Variants in CSMD3 observed in about 807,000 individuals in gnomAD.
The protein encoded by CSMD3 is CUB and sushi domain-containing protein 3.
Under a neutral mutation model 435.2 loss-of-function variants are expected in CSMD3, and 177 were observed. The observed-to-expected ratio is 0.41, with a 90% confidence interval of 0.36 to 0.46. CSMD3 has a LOEUF of 0.46. Ranked by LOEUF, CSMD3 falls within the 20% of genes least tolerant of loss-of-function variation. CSMD3 has a pLI of 0.34. For synonymous variants in CSMD3, 1,656 were observed against 1,520.5 expected, an observed-to-expected ratio of 1.09 and a Z score of -2.07; for missense variants, 4,265 against 4,504.6, an observed-to-expected ratio of 0.95 and a Z score of 1.52.
intron 10 of CSMD3, among the ~76,000 whole-genome samples, chr8:112,894,193 G>A (rs1293146607): frequency 1.3e-5 from 2 of 151,400 alleles, no homozygotes; most frequent in East Asian, 3.9e-4. Flanking sequence ...TGTAAAAAAT[G>A]CTTTTCAGGA....
At chr8:113,386,357 C>T (rs930260455) in intron 1 of CSMD3, among the ~76,000 whole-genome samples, 10 of 151,828 alleles carry the variant, frequency 6.6e-5, no homozygotes, top group Non-Finnish European at 1.0e-4. Context: ...ACTCACTTTC[C>T]TTTTCTCTAA....
chr8:112,626,917 C>T (rs1430040819), intron 22 of CSMD3, among the ~76,000 whole-genome samples: 1 of 151,970 alleles, frequency 6.6e-6, no homozygotes, highest in Non-Finnish European at 1.5e-5. Flanking sequence ...ATAAAAATAC[C>T]GTTAATATAT....
At chr8:112,782,972 T>C (rs2078430832) in intron 13 of CSMD3, among the ~76,000 whole-genome samples, 1 of 151,934 alleles carries the variant, frequency 6.6e-6, no homozygotes, top group South Asian at 2.1e-4. Flanking sequence ...AAGAAAAAAA[T>C]GTTAATAAGT....
intron 35 of CSMD3, among the ~76,000 whole-genome samples, chr8:112,396,173 T>C (rs1412444081): frequency 6.6e-6 from 1 of 152,036 alleles, no homozygotes; most frequent in Non-Finnish European, 1.5e-5. Context: ...TTGACAGTAA[T>C]AATAAGAACT....
At chr8:112,786,652 T>C (rs962182031) in intron 13 of CSMD3, among the ~76,000 whole-genome samples, 5 of 152,018 alleles carry the variant, frequency 3.3e-5, no homozygotes, top group Admixed American at 6.6e-5. Flanking sequence ...GGAAAACATG[T>C]ATATGATAAG....
chr8:112,641,049 T>G (rs1287070155), intron 20 of CSMD3, among the ~76,000 whole-genome samples: 1 of 152,138 alleles, frequency 6.6e-6, no homozygotes, highest in Admixed American at 6.6e-5. Flanking sequence ...TCTCCATATT[T>G]AAAATGGGGT....
At chr8:112,707,245 A>C (rs574205191) in intron 13 of CSMD3, among the ~76,000 whole-genome samples, 2 of 152,226 alleles carry the variant, frequency 1.3e-5, no homozygotes, top group South Asian at 2.1e-4. Context: ...TATATCTATA[A>C]AGCAAGTAAG....
chr8:113,072,474 C>T (rs190486474), intron 5 of CSMD3, among the ~76,000 whole-genome samples: 223 of 151,620 alleles, frequency 1.5e-3, no homozygotes, highest in Middle Eastern at 6.8e-3. Context: ...TAAATTTCTT[C>T]TATATCTGTT....
chr8:112,514,479 A>T (rs1484588888), intron 28 of CSMD3, among the ~76,000 whole-genome samples: 1 of 152,164 alleles, frequency 6.6e-6, no homozygotes, highest in African/African-American at 2.4e-5. Flanking sequence ...TATGGGCATC[A>T]ACTATTGATA....
chr8:112,894,768 A>G (rs970339992), intron 10 of CSMD3, among the ~76,000 whole-genome samples: 10 of 151,394 alleles, frequency 6.6e-5, no homozygotes, highest in Non-Finnish European at 1.3e-4. Context: ...TGCTACTACT[A>G]ATGTATTAAT....
At chr8:113,019,595 A>G (rs1368163642) in intron 5 of CSMD3, among the ~76,000 whole-genome samples, 1 of 150,216 alleles carries the variant, frequency 6.7e-6, no homozygotes. Context: ...GTTAATAATA[A>G]ACATAACAGA....
intron 5 of CSMD3, among the ~76,000 whole-genome samples, chr8:113,090,165 G>A (rs577058525): frequency 3.9e-5 from 6 of 151,978 alleles, no homozygotes; most frequent in Non-Finnish European, 8.8e-5. Context: ...GGATTTTGGG[G>A]CTAAAATATT....
chr8:113,325,513 A>C (rs750547494), intron 1 of CSMD3, among the ~76,000 whole-genome samples: 29 of 152,078 alleles, frequency 1.9e-4, no homozygotes, highest in Non-Finnish European at 3.4e-4. Flanking sequence ...AGCCATGTGA[A>C]ACTGTAGTTC....
chr8:113,182,072 G>A (rs2092429078), intron 3 of CSMD3, among the ~76,000 whole-genome samples: 1 of 152,002 alleles, frequency 6.6e-6, no homozygotes, highest in Admixed American at 6.6e-5. Context: ...AGGCACAAAT[G>A]TCAAATGAGT....
chr8:113,100,373 T>A (rs1394271), intron 4 of CSMD3, among the ~76,000 whole-genome samples: 1 of 151,864 alleles, frequency 6.6e-6, no homozygotes, highest in Non-Finnish European at 1.5e-5. Context: ...CTTCTAGTAA[T>A]CCTGTCCTGC....
chr8:112,747,791 G>T (rs1460182031), intron 13 of CSMD3, among the ~76,000 whole-genome samples: 1 of 151,720 alleles, frequency 6.6e-6, no homozygotes, highest in Non-Finnish European at 1.5e-5. Flanking sequence ...GTGAAACCCC[G>T]TCTCTACTAA....
chr8:113,153,172 A>AAGGAAGGAAGGGAGGG (rs1564371108), intron 4 of CSMD3, among the ~76,000 whole-genome samples: 1 of 140,586 alleles, frequency 7.1e-6, no homozygotes, highest in African/African-American at 2.6e-5. Context: ...GGAAGGAAGG[A>AAGGAAGGAAGGGAGGG]AAGAAGGAAG....
intron 5 of CSMD3, among the ~76,000 whole-genome samples, chr8:113,077,167 A>G (rs1274503731): frequency 5.3e-5 from 8 of 152,112 alleles, no homozygotes; most frequent in Admixed American, 5.2e-4. Flanking sequence ...ATTTTGATGG[A>G]TTCTATAAAT....
At chr8:112,533,042 A>G (rs1313037833) in intron 27 of CSMD3, among the ~76,000 whole-genome samples, 1 of 152,102 alleles carries the variant, frequency 6.6e-6, no homozygotes, top group Non-Finnish European at 1.5e-5. Flanking sequence ...AGTAGCCATT[A>G]GTTTAAAATA....
Sources: gnomAD v4.1 joint callset for allele counts (sites outside exome capture counted in the v4.1 genomes callset) on GRCh38, gnomAD v4.1.1 for gene constraint, MANE v1.5 for transcripts, NCBI Gene and HGNC (gene_info 2026-07-23, HGNC 2026-07-21) for gene names.